Variants in CNTNAP2 observed in about 807,000 individuals in gnomAD.
CNTNAP2 encodes the protein contactin-associated protein-like 2.
CNTNAP2 carries 98 observed loss-of-function variants against 155.2 expected under a neutral mutation model. That is an observed-to-expected ratio of 0.63 (90% CI 0.54 to 0.75). CNTNAP2 has a LOEUF of 0.75. CNTNAP2 is among the 30% of genes least tolerant of loss of function. The probability of loss-of-function intolerance (pLI) is 0.00; values close to 1 mark genes in which losing one functional copy is unlikely to be tolerated. For missense variants in CNTNAP2, 1,727 were observed against 1,688.1 expected (o/e 1.02, Z -0.40); for synonymous variants, 651 against 631.2 (o/e 1.03, Z -0.47).
intron 17 of CNTNAP2, among the ~76,000 whole-genome samples, chr7:148,167,682 C>T (rs1805695452): frequency 6.6e-6 from 1 of 152,132 alleles, no homozygotes; most frequent in African/African-American, 2.4e-5. Flanking sequence ...AGTTCAGCCT[C>T]CTTTATCTGT....
chr7:146,542,557 A>C (rs1797968088), intron 1 of CNTNAP2, among the ~76,000 whole-genome samples: 1 of 151,738 alleles, frequency 6.6e-6, no homozygotes. Flanking sequence ...TTGGCCCCTA[A>C]ACTCTAAAGG....
intron 3 of CNTNAP2, among the ~76,000 whole-genome samples, chr7:146,898,184 T>C (rs769022974): frequency 6.6e-6 from 1 of 152,124 alleles, no homozygotes; most frequent in Non-Finnish European, 1.5e-5. Flanking sequence ...AATTATCTTC[T>C]GGATTTTAAT....
At chr7:147,599,137 CAG>C (rs1022346035) in intron 12 of CNTNAP2, among the ~76,000 whole-genome samples, 4 of 151,974 alleles carry the variant, frequency 2.6e-5, no homozygotes, top group South Asian at 4.1e-4. Context: ...GAACATAGAA[CAG>C]GGGTTAAACG....
intron 12 of CNTNAP2, among the ~76,000 whole-genome samples, chr7:147,597,948 A>G (rs571965609): frequency 9.2e-5 from 14 of 152,300 alleles, no homozygotes; most frequent in African/African-American, 2.2e-4. Context: ...AGTACTTTCA[A>G]TCCTGGCATT....
At chr7:147,216,629 GTTC>G (rs1803276492) in intron 8 of CNTNAP2, among the ~76,000 whole-genome samples, 1 of 151,790 alleles carries the variant, frequency 6.6e-6, no homozygotes, top group Non-Finnish European at 1.5e-5. Context: ...CTTCAACTTT[GTTC>G]TTCTCCTTCA....
At position 146,174,839 on chromosome 7, in the gene CNTNAP2, C is replaced by T. The variant is rs140261437; in HGVS notation, c.97+57866C>T. ...GCCCAGGCGGCAGAGCGAGACTCAT[C>T]TCAAACAAACAAACAAAAACTATAA... On this transcript the variant is annotated intron_variant, in intron 1 of 23. Transcript: ENST00000361727. Among the ~76,000 whole-genome samples the T allele has an allele frequency of 1.2e-3, 178 of 152,178 alleles. 1 individual carries two copies. The highest frequency in any genetic ancestry group is 4.2e-3 in the African/African-American group (173 of 41,554).
chr7:147,522,431 T>G (rs1799244163), intron 11 of CNTNAP2, among the ~76,000 whole-genome samples: 1 of 152,066 alleles, frequency 6.6e-6, no homozygotes, highest in South Asian at 2.1e-4. Flanking sequence ...CAATAATATT[T>G]TAGAAAAAAA....
intron 8 of CNTNAP2, among the ~76,000 whole-genome samples, chr7:147,189,041 A>G (rs1057180561): frequency 4.6e-5 from 7 of 152,196 alleles, no homozygotes; most frequent in East Asian, 3.9e-4. Flanking sequence ...CTGCAGTTGT[A>G]AAGAAAACAG....
chr7:146,784,160 A>G (rs2129187681), intron 2 of CNTNAP2, among the ~76,000 whole-genome samples: 1 of 152,284 alleles, frequency 6.6e-6, no homozygotes, highest in South Asian at 2.1e-4. Flanking sequence ...TTTTTTAGTT[A>G]ATTATTTTTA....
In CNTNAP2 at chr7:146,280,129, A is replaced by G. The variant is rs1395384756; in HGVS notation, c.97+163156A>G. ...GAATGTTTGTGTGGAAGTCACGTCTATCTTTTTTAGTAAAAGCAGTTGCTT... is the reference window on the plus strand; with the variant it reads ...GAATGTTTGTGTGGAAGTCACGTCTGTCTTTTTTAGTAAAAGCAGTTGCTT... On this transcript the variant is annotated intron_variant, in intron 1 of 23. Coordinates refer to ENST00000361727, the MANE Select transcript of CNTNAP2 (RefSeq NM_014141.6). Among the ~76,000 whole-genome samples, 6 of 152,266 alleles carry G rather than the reference A, an allele frequency of 3.9e-5. No individual in the cohort carries two copies. In the East Asian group the frequency reaches 7.7e-4, roughly 20 times the overall value.
At chr7:146,523,804 T>C (rs542709283) in intron 1 of CNTNAP2, among the ~76,000 whole-genome samples, 1 of 152,286 alleles carries the variant, frequency 6.6e-6, no homozygotes, top group East Asian at 1.9e-4. Flanking sequence ...TCACCAACAT[T>C]ATTTGTTTTT....
chr7:147,464,084 A>G (rs977736389), intron 10 of CNTNAP2, among the ~76,000 whole-genome samples: 2 of 152,064 alleles, frequency 1.3e-5, no homozygotes, highest in African/African-American at 4.8e-5. Flanking sequence ...GGTGAATAAG[A>G]ATTATTTAAG....
At chr7:148,316,999 A>C (rs1401373011) in intron 21 of CNTNAP2, among the ~76,000 whole-genome samples, 1 of 152,170 alleles carries the variant, frequency 6.6e-6, no homozygotes, top group African/African-American at 2.4e-5. Flanking sequence ...ATAGGTCCCA[A>C]ATGTATTTGC....
In CNTNAP2 at chr7:147,903,672, T is replaced by A. The variant is rs1478186825; in HGVS notation, c.2206T>A (p.Cys736Ser). The A allele has an allele frequency of 1.9e-6, 3 of 1,614,026 alleles. No homozygotes were observed. Among genetic ancestry groups the A allele is most frequent in the Non-Finnish European group, 2.5e-6 (3 of 1,179,978 alleles). ...QKCACGIERN[C>S]TDPKYYCNCD... Reference sequence around the variant, plus strand: ...ATGTGCCTGCGGCATCGAACGCAACTGCACAGATCCCAAGTACTACTGTAA... The same window carrying A: ...ATGTGCCTGCGGCATCGAACGCAACAGCACAGATCCCAAGTACTACTGTAA... Residue 736 changes from cysteine to serine, a missense_variant, in exon 14 of 24, where the codon TGC becomes AGC. Transcript: ENST00000361727.
rs191291085 is a variant in CNTNAP2 at position 147,136,867 on chromosome 7, A to G, written c.1348+4358A>G. Among the ~76,000 whole-genome samples, 5 of 151,994 alleles carry G rather than the reference A, an allele frequency of 3.3e-5. No individual in the cohort carries two copies. In the East Asian group the frequency reaches 9.7e-4, roughly 29 times the overall value. On this transcript the variant is annotated intron_variant, in intron 8 of 23. Transcript: ENST00000361727. ...TTTTTTTCAGTTCTATACTGATATT[A>G]TTTCAAAATGTCTTAAATTCTTGTA... is the stretch of plus-strand genomic sequence containing the variant.
At chr7:146,850,616 A>G (rs1195760101) in intron 3 of CNTNAP2, among the ~76,000 whole-genome samples, 1 of 152,136 alleles carries the variant, frequency 6.6e-6, no homozygotes, top group Non-Finnish European at 1.5e-5. Context: ...AGAAAGTACA[A>G]CTTTCCCTGG....
At chr7:146,833,854 C>A (rs1803561895) in intron 2 of CNTNAP2, among the ~76,000 whole-genome samples, 1 of 152,152 alleles carries the variant, frequency 6.6e-6, no homozygotes, top group Non-Finnish European at 1.5e-5. Context: ...ATGTTTGTTG[C>A]ATTTCTTGTG....
intron 1 of CNTNAP2, among the ~76,000 whole-genome samples, chr7:146,290,859 G>A (rs1800417789): frequency 6.6e-6 from 1 of 152,200 alleles, no homozygotes; most frequent in African/African-American, 2.4e-5. Context: ...TTTCATTGCA[G>A]TATCAATGCC....
intron 2 of CNTNAP2, among the ~76,000 whole-genome samples, chr7:146,830,052 T>C (rs1322177821): frequency 1.3e-5 from 2 of 152,092 alleles, no homozygotes; most frequent in Non-Finnish European, 2.9e-5. Flanking sequence ...TTTAGAAATA[T>C]CTTCTCCCAA....
Sources: allele counts gnomAD v4.1 joint callset (sites outside exome capture counted in the v4.1 genomes callset), GRCh38; gene constraint gnomAD v4.1.1; transcripts MANE v1.5; gene names NCBI Gene and HGNC (gene_info 2026-07-23, HGNC 2026-07-21).